FANCA: variants seen among roughly 807,000 people sequenced by gnomAD.
FANCA encodes the protein FA complementation group A, also known as Fanconi anemia group A protein.
Under a neutral mutation model 194.3 loss-of-function variants are expected in FANCA, and 236 were observed. The ratio of observed to expected loss-of-function variants is 1.21; its 90% CI spans 1.09 to 1.35. The LOEUF is 1.35. FANCA is among the 40% of genes most tolerant of loss of function. The pLI, the probability that FANCA is intolerant of heterozygous loss-of-function variation, is 0.00. For synonymous variants in FANCA, 1,014 were observed against 715.8 expected (o/e 1.42, Z -6.65); for missense variants, 2,628 against 1,813.9 (o/e 1.45, Z -8.15).
chr16:89,776,384 G>T (rs1163673343), intron 20 of FANCA, among the ~76,000 whole-genome samples: 1 of 151,226 alleles, frequency 6.6e-6, no homozygotes, highest in Non-Finnish European at 1.5e-5. Flanking sequence ...CACCAGGCTG[G>T]CCTCGAACTC....
intron 14 of FANCA, chr16:89,791,120 C>G (rs2065487913): frequency 2.2e-6 from 1 of 462,146 alleles, no homozygotes; most frequent in East Asian, 4.0e-5. Context: ...CAGCAGGAGG[C>G]TCCGTCAACT....
rs368973617 is a variant in FANCA, at chr16:89,770,550, G to A, written c.2222+14C>T. ...GAGGAGCCCCACCACTCAGGGAGCT[G>A]CCCGCGCCTTCACCTCTCCGGGGGA... On this transcript the variant is annotated intron_variant, in intron 24 of 42. Coordinates refer to ENST00000389301, the MANE Select transcript of FANCA (RefSeq NM_000135.4). 1.1e-5 allele frequency: 18 copies of A among 1,596,850 alleles called. No individual in the cohort carries two copies. In the African/African-American group the frequency reaches 1.3e-4, roughly 12 times the overall value.
At chr16:89,796,786 G>A (rs1332691842) in intron 10 of FANCA, among the ~76,000 whole-genome samples, 1 of 152,148 alleles carries the variant, frequency 6.6e-6, no homozygotes, top group Non-Finnish European at 1.5e-5. Context: ...ACTCTGGGAG[G>A]CTGAGGCGGG....
intron 30 of FANCA, among the ~76,000 whole-genome samples, chr16:89,754,552 G>C (rs989359662): frequency 1.4e-4 from 21 of 152,134 alleles, no homozygotes; most frequent in African/African-American, 5.1e-4. Context: ...TGTATTTTTA[G>C]TAGAGATGGG....
At chr16:89,784,021 A>G (rs1223941363) in intron 15 of FANCA, among the ~76,000 whole-genome samples, 1 of 152,000 alleles carries the variant, frequency 6.6e-6, no homozygotes, top group East Asian at 1.9e-4. Context: ...TCAGCCTCCA[A>G]AAGTGCTGGG....
chr16:89,791,160 G>A (rs972105985), intron 14 of FANCA: 2 of 569,926 alleles, frequency 3.5e-6, no homozygotes, highest in Non-Finnish European at 3.1e-6. Context: ...GGAAGGAGCT[G>A]AGGCCCCGAC....
At chr16:89,798,516 C>T in intron 10 of FANCA, 1 of 1,103,358 alleles carries the variant, frequency 9.1e-7, no homozygotes, top group Admixed American at 4.5e-5. Flanking sequence ...GCAAATTCTA[C>T]TGGTTTCTCA....
At chr16:89,794,966 G>A (rs1487705184) in intron 11 of FANCA, among the ~76,000 whole-genome samples, 2 of 152,106 alleles carry the variant, frequency 1.3e-5, no homozygotes, top group Non-Finnish European at 2.9e-5. Flanking sequence ...AGGAGAATGT[G>A]CATGCTCAAA....
chr16:89,738,581 G>A lies in FANCA; in HGVS notation c.*20C>T. ...AATTATTTACACGGGAGCTGGGCTG[G>A]TGTGCAGTGGCAGGTCCCGTCAGAA... On this transcript the variant is annotated 3_prime_UTR_variant, in exon 43 of 43. Transcript: ENST00000389301. The A allele has an allele frequency of 6.2e-7, 1 of 1,613,134 alleles. No homozygotes were observed. The highest frequency in any genetic ancestry group is 8.5e-7 in the Non-Finnish European group (1 of 1,180,020).
Position 89,738,410 on chromosome 16 carries a change from G to C in FANCA, c.*191C>G. The C allele has an allele frequency of 2.2e-6, 3 of 1,374,252 alleles. No individual in the cohort carries two copies. The highest frequency in any genetic ancestry group is 3.0e-6 in the Non-Finnish European group (3 of 1,014,836). 85.1% of individuals were successfully genotyped at this position (1,374,252 alleles called of 1,614,324 possible). ...CTCAAGTAGCCTTCCTCTGCTCTGG[G>C]ACCAGTGGTTTATTTTCCCGCAAAC... On this transcript the variant is annotated 3_prime_UTR_variant, in exon 43 of 43. Coordinates refer to ENST00000389301, the MANE Select transcript of FANCA (RefSeq NM_000135.4).
rs1238812869 is a variant in FANCA at position 89,791,211 on chromosome 16, C to CGCCGAGGCCCCGACAGGGAGAACCCAG, written c.1359+191_1359+192insCTGGGTTCTCCCTGTCGGGGCCTCGGC. ...TCCTCGGAACATGCAGAGGAAGATCCGCTGAGGCCCCGACAGGGAGAACCC... is the reference window on the plus strand; with the variant it reads ...TCCTCGGAACATGCAGAGGAAGATCCGCCGAGGCCCCGACAGGGAGAACCCAGGCTGAGGCCCCGACAGGGAGAACCC... On this transcript the variant is annotated intron_variant, in intron 14 of 42. Coordinates refer to ENST00000389301, the MANE Select transcript of FANCA (RefSeq NM_000135.4). 25 of 703,686 alleles carry CGCCGAGGCCCCGACAGGGAGAACCCAG rather than the reference C, an allele frequency of 3.6e-5. No homozygotes were observed. In the Admixed American group the frequency reaches 3.9e-4, roughly 11 times the overall value. The allele number at this position is 703,686 out of a possible 1,614,324, so 43.6% of individuals were successfully genotyped here. A position where few individuals can be genotyped will look rare whatever the true frequency, so the allele number is the denominator to read the frequency against.
chr16:89,804,388 C>T (rs998245606), intron 7 of FANCA, among the ~76,000 whole-genome samples: 4 of 152,174 alleles, frequency 2.6e-5, no homozygotes, highest in South Asian at 2.1e-4. Flanking sequence ...AGCCAGAAAA[C>T]GAGCTTCAAT....
chr16:89,814,556 A>G lies in FANCA; in HGVS notation c.247T>C (p.Ser83Pro). 3 of 1,613,978 alleles carry G rather than the reference A, an allele frequency of 1.9e-6. No homozygotes were observed. Among genetic ancestry groups the G allele is most frequent in the Non-Finnish European group, 2.5e-6 (3 of 1,179,832 alleles). ...CTAGAATGATTAGCATAGGCCTCAG[A>G]ACTGTCACAGTCAATCACTTTGCTG... ...SLSKVIDCDS[S>P]EAYANHSSSF... The change falls in exon 3 of 43, where the codon TCT becomes CCT. Residue 83 changes from serine (S) to proline (P), a missense_variant. Coordinates refer to ENST00000389301, the MANE Select transcript of FANCA (RefSeq NM_000135.4).
chr16:89,773,569 C>T (rs548589586), intron 21 of FANCA, among the ~76,000 whole-genome samples, 185 bp from the exon 22 acceptor site: 6 of 151,950 alleles, frequency 3.9e-5, no homozygotes, highest in East Asian at 1.9e-4. Context: ...GATGCCACAT[C>T]GAAAATTACA....
rs911481295 is a variant in FANCA, at chr16:89,739,290, CTA to C, written c.4011-3_4011-2del. ...GTCTTCATGGAAGTAGGAGAGAAGA[CTA>C]GAGGTAAAGACATAGTGACAAATGG... is the stretch of plus-strand genomic sequence containing the variant. On this transcript the variant is annotated splice_acceptor_variant and splice_polypyrimidine_tract_variant and intron_variant, in intron 40 of 42. Coordinates refer to ENST00000389301, the MANE Select transcript of FANCA (RefSeq NM_000135.4). LOFTEE classifies it high-confidence loss of function. The C allele has an allele frequency of 1.9e-6, 3 of 1,614,020 alleles. No individual in the cohort carries two copies. The highest frequency in any genetic ancestry group is 2.7e-5 in the African/African-American group (2 of 74,944).
chr16:89,758,808 G>A, intron 29 of FANCA, 103 bp from the exon 30 acceptor site: 1 of 1,561,734 alleles, frequency 6.4e-7, no homozygotes, highest in East Asian at 2.3e-5. Context: ...CAGCACTAGT[G>A]AGAGCTGGGT....
rs145869646 is a variant in FANCA, at chr16:89,805,288, A to G, written c.701T>C (p.Met234Thr). The G allele has an allele frequency of 1.1e-5, 18 of 1,613,466 alleles. No individual in the cohort carries two copies. The African/African-American group carries it at 1.5e-4, about 13-fold the overall frequency. Residue 234 changes from methionine to threonine, a missense_variant, in exon 7 of 43, where the codon ATG becomes ACG. Physicochemically the swap from Met to Thr is moderately conservative, Grantham distance 81 (BLOSUM62 -1). Coordinates refer to ENST00000389301, the MANE Select transcript of FANCA (RefSeq NM_000135.4). The stretch of plus-strand genomic sequence containing the variant: ...TCTTGTCATGAACGCACCAGAAAGC[A>G]TGGCCCTGGCGACGTCAGCATGCTG... ...SCQHADVARAMLSDFVQMFVL... is the reference protein window; with the variant it reads ...SCQHADVARATLSDFVQMFVL...
At chr16:89,753,702 G>T (rs2143179530) in intron 30 of FANCA, among the ~76,000 whole-genome samples, 1 of 152,212 alleles carries the variant, frequency 6.6e-6, no homozygotes, top group Non-Finnish European at 1.5e-5. Context: ...GTTCTCCTAA[G>T]ATCAGGGGCA....
intron 11 of FANCA, among the ~76,000 whole-genome samples, chr16:89,793,932 A>C (rs2040160145): frequency 6.6e-6 from 1 of 151,840 alleles, no homozygotes; most frequent in Non-Finnish European, 1.5e-5. Flanking sequence ...TGTATTTTTT[A>C]GTAGAGATGG....
Sources: gnomAD v4.1 joint callset for allele counts (sites outside exome capture counted in the v4.1 genomes callset) on GRCh38, gnomAD v4.1.1 for gene constraint, MANE v1.5 for transcripts, NCBI Gene and HGNC (gene_info 2026-07-23, HGNC 2026-07-21) for gene names.